Variants in CACNA1I observed in about 807,000 individuals in gnomAD.
CACNA1I encodes the protein calcium voltage-gated channel subunit alpha1 I.
In CACNA1I, 74 loss-of-function variants were observed where a neutral mutation model predicts 201.6. That is an observed-to-expected ratio of 0.37 (90% confidence interval 0.30 to 0.45). The LOEUF is 0.45. Ranked by LOEUF, CACNA1I falls within the 20% of genes least tolerant of loss-of-function variation. The pLI is 1.00. For synonymous variants in CACNA1I, 1,431 were observed against 1,345.2 expected, an observed-to-expected ratio of 1.06 and a Z score of -1.40; for missense variants, 2,346 against 3,138.1, an observed-to-expected ratio of 0.75 and a Z score of 6.03.
At chr22:39,680,281 A>G (rs1935664212) in intron 33 of CACNA1I, among the ~76,000 whole-genome samples, 1 of 152,160 alleles carries the variant, frequency 6.6e-6, no homozygotes, top group South Asian at 2.1e-4. Context: ...CCTCCACCTC[A>G]GGGCTTAGGC....
intron 10 of CACNA1I, 148 bp from the exon 11 acceptor site, chr22:39,658,004 G>A (rs1934879616): frequency 6.5e-6 from 5 of 770,624 alleles, no homozygotes; most frequent in Admixed American, 2.4e-5. Context: ...GGGCCCTCGG[G>A]GCCTTGTGCA....
At chr22:39,607,895 C>CGG (rs34811604) in intron 3 of CACNA1I, among the ~76,000 whole-genome samples, 55,738 of 137,896 alleles carry the variant, frequency 0.4, 12,126 homozygotes, top group Non-Finnish European at 0.46. Flanking sequence ...GGTGCCAAGG[C>CGG]GGGGGGGGGT....
intron 3 of CACNA1I, among the ~76,000 whole-genome samples, chr22:39,606,812 A>C (rs1207525720): frequency 6.6e-6 from 1 of 152,268 alleles, no homozygotes; most frequent in Non-Finnish European, 1.5e-5. Context: ...GATTACAGGC[A>C]TGAGTCACTA....
rs1033099685 is a variant in CACNA1I, at chr22:39,684,142, G to A, written c.5831-160G>A. Among the ~76,000 whole-genome samples the A allele has an allele frequency of 4.6e-5, 7 of 152,156 alleles. No homozygotes were observed. Among genetic ancestry groups the A allele is most frequent in the African/African-American group, 1.2e-4 (5 of 41,436 alleles). On this transcript the variant is annotated intron_variant, in intron 35 of 36. Coordinates refer to ENST00000402142, the MANE Select transcript of CACNA1I (RefSeq NM_021096.4). The surrounding 1 kb of genome is among the most constrained non-coding windows in gnomAD (Gnocchi z 4.6). ...TCTCTTGCTCTCACAATGGGGAAAC[G>A]AAGGCTTAGAGAGGGGGGACTTGTC...
In CACNA1I at chr22:39,680,582, T is replaced by C. The variant is rs1245485761; in HGVS notation, c.5542-348T>C. Among the ~76,000 whole-genome samples, 4 of 152,144 alleles carry C rather than the reference T, an allele frequency of 2.6e-5. No homozygotes were observed. The East Asian group carries it at 7.7e-4, about 29-fold the overall frequency. ...TGTGCAGGTCATCCACATGGGGCCA[T>C]AGATGAGTCAAGTCCAGCCCAGTCT... On this transcript the variant is annotated intron_variant, in intron 33 of 36. Transcript: ENST00000402142.
intron 1 of CACNA1I, among the ~76,000 whole-genome samples, chr22:39,575,999 T>C (rs1932334087): frequency 6.6e-6 from 1 of 152,174 alleles, no homozygotes; most frequent in African/African-American, 2.4e-5. Context: ...GGTCTTGAAC[T>C]CCTGACCTCA....
chr22:39,617,253 G>A (rs1026255230), intron 3 of CACNA1I, among the ~76,000 whole-genome samples: 8 of 152,180 alleles, frequency 5.3e-5, no homozygotes, highest in African/African-American at 1.7e-4. Context: ...CTTGATGAGC[G>A]CCTGCCAGAG....
intron 7 of CACNA1I, among the ~76,000 whole-genome samples, chr22:39,646,138 TC>T (rs1258707144): frequency 6.6e-6 from 1 of 152,048 alleles, no homozygotes; most frequent in African/African-American, 2.4e-5. Flanking sequence ...GCCTGGGCCG[TC>T]GCTTTCTCCT....
intron 19 of CACNA1I, 98 bp downstream of exon 19, chr22:39,663,939 A>G (rs2146453575): frequency 6.4e-7 from 1 of 1,558,432 alleles, no homozygotes; most frequent in Non-Finnish European, 8.8e-7. Context: ...GTGGGGAGGC[A>G]GGACAGGAAG....
In CACNA1I at chr22:39,659,252, TC is replaced by T; in HGVS notation, c.2330+140del. ...TGTGAAGCCTGACACTGTTCCTCAG[TC>T]CCCTGTGGCTTTCAGCAAGCATGAA... On this transcript the variant is annotated intron_variant, in intron 12 of 36. Transcript: ENST00000402142. This position sits in a 1 kb window ranked among gnomAD's most constrained non-coding sequence, Gnocchi z 4.3. 8.9e-7 allele frequency: 1 copy of T among 1,129,878 alleles called. No homozygotes were observed. 70.0% of individuals were successfully genotyped at this position (1,129,878 alleles called of 1,614,324 possible).
intron 1 of CACNA1I, among the ~76,000 whole-genome samples, chr22:39,580,095 T>A (rs890794491): frequency 1.3e-5 from 2 of 152,144 alleles, no homozygotes; most frequent in African/African-American, 4.8e-5. Flanking sequence ...GCATTGGGGA[T>A]CATGTTTCAC....
At position 39,608,571 on chromosome 22, in the gene CACNA1I, G is replaced by A. The variant is rs1015616252; in HGVS notation, c.482+7918G>A. On this transcript the variant is annotated intron_variant, in intron 3 of 36. Coordinates refer to ENST00000402142, the MANE Select transcript of CACNA1I (RefSeq NM_021096.4). ...CTTGTATCCTGGGCTGAGTGCAGTG[G>A]CTCTTGCCTGTAATCCCAGCACTTT... 1.7e-4 allele frequency among the ~76,000 whole-genome samples: 26 copies of A among 152,262 alleles called. 1 individual carries two copies. Among genetic ancestry groups the A allele is most frequent in the Admixed American group, 1.3e-3 (20 of 15,282 alleles).
Position 39,676,862 on chromosome 22 carries a change from A to G in CACNA1I, c.4855-479A>G, listed in dbSNP as rs536495948. On this transcript the variant is annotated intron_variant, in intron 29 of 36. Coordinates refer to ENST00000402142, the MANE Select transcript of CACNA1I (RefSeq NM_021096.4). The surrounding 1 kb of genome is among the most constrained non-coding windows in gnomAD (Gnocchi z 4.8). ...CCTGCCTTCTCCCTTCCCTTCGTTCATCCATCCATTCAACCTTGGTAGCCA... is the reference window on the plus strand; with the variant it reads ...CCTGCCTTCTCCCTTCCCTTCGTTCGTCCATCCATTCAACCTTGGTAGCCA... Among the ~76,000 whole-genome samples the G allele has an allele frequency of 2.6e-5, 4 of 152,178 alleles. No individual in the cohort carries two copies. Among genetic ancestry groups the G allele is most frequent in the Non-Finnish European group, 4.4e-5 (3 of 68,036 alleles).
chr22:39,670,518 A>C (rs564402324), intron 25 of CACNA1I, among the ~76,000 whole-genome samples: 1 of 152,138 alleles, frequency 6.6e-6, no homozygotes, highest in Non-Finnish European at 1.5e-5. Context: ...GCCATGGGAA[A>C]CCTGCCCTCC....
chr22:39,685,897 C>T lies in CACNA1I; in HGVS notation c.6164C>T (p.Pro2055Leu), dbSNP rs1935848551. The change falls in exon 37 of 37, where the codon CCC (proline) becomes CTC (leucine). Residue 2055 changes from proline to leucine, a missense_variant. By Grantham distance (98) the Pro-to-Leu change is moderately conservative. This residue lies in a region of CACNA1I where 441 missense variants were observed against 555.6 expected (regional missense o/e 0.79). Coordinates refer to ENST00000402142, the MANE Select transcript of CACNA1I (RefSeq NM_021096.4). The surrounding 1 kb of genome is among the most constrained non-coding windows in gnomAD (Gnocchi z 5.0). ...GGGCCGCCCGCGCCTGCTCCAGGAC[C>T]CCGGGCCGGCCTGTCCCCCGCCGCT... is the stretch of plus-strand genomic sequence containing the variant. The part of the protein sequence containing the change: ...ALGPPAPAPG[P>L]RAGLSPAARR... The T allele has an allele frequency of 1.4e-6, 2 of 1,405,080 alleles. No individual in the cohort carries two copies. Among genetic ancestry groups the T allele is most frequent in the South Asian group, 3.1e-5 (2 of 64,364 alleles). 87.0% of individuals were successfully genotyped at this position (1,405,080 alleles called of 1,614,324 possible). A position where few individuals can be genotyped will look rare whatever the true frequency, so the allele number is the denominator to read the frequency against.
intron 10 of CACNA1I, among the ~76,000 whole-genome samples, chr22:39,655,930 C>T (rs988199163): frequency 4.6e-5 from 7 of 152,166 alleles, no homozygotes; most frequent in African/African-American, 1.7e-4. Flanking sequence ...GCGTGGCGCG[C>T]GCGGCTGGAG....
chr22:39,658,674 A>G (rs1312059697), intron 11 of CACNA1I, among the ~76,000 whole-genome samples: 2 of 152,216 alleles, frequency 1.3e-5, no homozygotes, highest in African/African-American at 4.8e-5. Flanking sequence ...TTAAATCTCA[A>G]AAAGAGGACA....
At position 39,679,868 on chromosome 22, in the gene CACNA1I, G is replaced by T. The variant is rs774524240; in HGVS notation, c.5541G>T (p.Glu1847Asp). ...GCKKCHHDKQ[E>D]VQLAETEAFS... is the part of the protein sequence containing the mutation. The stretch of plus-strand genomic sequence containing the variant: ...AGAAGTGTCACCACGACAAGCAAGA[G>T]GTAATGGCAGCCCGGGAGGCCTGGC... The change falls in exon 33 of 37, where the codon GAG becomes GAT. Residue 1847 changes from glutamate (E) to aspartate (D), a missense_variant and splice_region_variant. Transcript: ENST00000402142. The T allele has an allele frequency of 6.2e-7, 1 of 1,611,340 alleles. No individual in the cohort carries two copies. The highest frequency in any genetic ancestry group is 1.7e-5 in the Admixed American group (1 of 59,784).
At chr22:39,650,567 A>G (rs2146432136) in intron 10 of CACNA1I, among the ~76,000 whole-genome samples, 1 of 152,276 alleles carries the variant, frequency 6.6e-6, no homozygotes, top group Non-Finnish European at 1.5e-5. Context: ...TGCCCTCAGG[A>G]CAAAATCCAG....
Sources: gnomAD v4.1 joint callset for allele counts (sites outside exome capture counted in the v4.1 genomes callset) on GRCh38, gnomAD v4.1.1 for gene constraint, gnomAD v4.1.1 regional missense constraint, Gnocchi (gnomAD v3.1) non-coding constraint, MANE v1.5 for transcripts, NCBI Gene and HGNC (gene_info 2026-07-23, HGNC 2026-07-21) for gene names.